FAR2: variants seen among roughly 807,000 people sequenced by gnomAD.
FAR2 encodes the protein fatty acyl-CoA reductase 2, also known as epididymis secretory protein Li 81.
A neutral mutation model predicts 56.0 loss-of-function variants in FAR2; 19 were observed. The observed-to-expected ratio is 0.34, with a 90% CI of 0.24 to 0.50. The LOEUF is 0.50. Ranked by LOEUF, FAR2 falls within the 20% of genes least tolerant of loss-of-function variation. The pLI is 0.98. For synonymous variants in FAR2, 219 were observed against 218.8 expected (o/e 1.00, Z -0.01); for missense variants, 508 against 642.2 (o/e 0.79, Z 2.26).
In FAR2 at chr12:29,259,049, C is replaced by T. The variant is rs1323008393; in HGVS notation, c.-38-11363C>T. ...AGATTGGTAGGAGGTCATGTTTGTACTTAGCTTCATAGGCAGAAATTTAAG... is the reference window on the plus strand; with the variant it reads ...AGATTGGTAGGAGGTCATGTTTGTATTTAGCTTCATAGGCAGAAATTTAAG... On this transcript the variant is annotated intron_variant, in intron 1 of 11. Coordinates refer to ENST00000536681, the MANE Select transcript of FAR2 (RefSeq NM_001271783.2). Among the ~76,000 whole-genome samples, 5 of 152,174 alleles carry T rather than the reference C, an allele frequency of 3.3e-5. 1 individual carries two copies. The highest frequency in any genetic ancestry group is 2.1e-4 in the South Asian group (1 of 4,832).
chr12:29,290,635 G>T (rs957053624), intron 2 of FAR2, among the ~76,000 whole-genome samples: 1 of 152,152 alleles, frequency 6.6e-6, no homozygotes, highest in Non-Finnish European at 1.5e-5. Flanking sequence ...TAAAGAAAAT[G>T]TGGTACATAT....
chr12:29,297,273 T>C, intron 4 of FAR2, 73 bp downstream of exon 4: 4 of 1,386,794 alleles, frequency 2.9e-6, no homozygotes, highest in Non-Finnish European at 3.9e-6. Context: ...TCTTTGTAGC[T>C]ATTAATGAGA....
At chr12:29,220,625 A>T (rs1380997598) in intron 1 of FAR2, among the ~76,000 whole-genome samples, 1 of 152,084 alleles carries the variant, frequency 6.6e-6, no homozygotes, top group Non-Finnish European at 1.5e-5. Context: ...TCCATTCATC[A>T]ACATTTTCTC....
In FAR2 at chr12:29,321,738, G is replaced by T; in HGVS notation, c.1128-57G>T. ...TAAAAATAATTTCTCATACATCCCT[G>T]TAGAGTGACAGGGAAGTGGTGCGCT... On this transcript the variant is annotated intron_variant, in intron 9 of 11. Transcript: ENST00000536681. 1.3e-6 allele frequency: 2 copies of T among 1,592,766 alleles called. 1 individual carries two copies. The highest frequency in any genetic ancestry group is 2.3e-5 in the South Asian group (2 of 87,926).
intron 10 of FAR2, among the ~76,000 whole-genome samples, chr12:29,326,020 A>G (rs1591973370): frequency 6.6e-6 from 1 of 152,270 alleles, no homozygotes; most frequent in Middle Eastern, 3.4e-3. Context: ...CTAATAAAGA[A>G]GAAAAGAGAG....
intron 8 of FAR2, 91 bp downstream of exon 8, chr12:29,312,041 TG>T: frequency 2.2e-6 from 2 of 890,932 alleles, no homozygotes; most frequent in Non-Finnish European, 3.5e-6. Flanking sequence ...AGAGCTTATA[TG>T]GGGAGAAAGA....
chr12:29,258,719 A>G (rs1948369404), intron 1 of FAR2, among the ~76,000 whole-genome samples: 1 of 152,242 alleles, frequency 6.6e-6, no homozygotes, highest in South Asian at 2.1e-4. Flanking sequence ...ATCCATATAC[A>G]GCAACTAATG....
intron 1 of FAR2, among the ~76,000 whole-genome samples, chr12:29,225,225 G>C (rs904286726): frequency 1.3e-5 from 2 of 152,126 alleles, no homozygotes; most frequent in African/African-American, 4.8e-5. Context: ...GGCAGAGTGA[G>C]ACCCTGTCTC....
intron 1 of FAR2, among the ~76,000 whole-genome samples, chr12:29,257,444 G>C (rs1052532165): frequency 2.0e-5 from 3 of 152,204 alleles, no homozygotes; most frequent in East Asian, 1.9e-4. Flanking sequence ...CCAGATAAGA[G>C]AATAAAAGCA....
At chr12:29,312,161 T>C (rs773492842) in intron 8 of FAR2, among the ~76,000 whole-genome samples, 11 of 152,134 alleles carry the variant, frequency 7.2e-5, no homozygotes, top group South Asian at 2.1e-4. Context: ...ATGTACAAGA[T>C]TGTAAGCAGT....
rs1053164312 is a variant in FAR2, at chr12:29,335,426, T to C, written c.*1632T>C. 4.6e-5 allele frequency: 7 copies of C among 152,190 alleles called. No individual in the cohort carries two copies. Among genetic ancestry groups the C allele is most frequent in the African/African-American group, 1.7e-4 (7 of 41,422 alleles). 9.4% of individuals were successfully genotyped at this position (152,190 alleles called of 1,614,324 possible). ...ATGTCTATATGGTACTTTTGAGTTA[T>C]ATCAATTAAGATACAAGCTATAGAC... On this transcript the variant is annotated 3_prime_UTR_variant, in exon 12 of 12. Transcript: ENST00000536681.
At chr12:29,325,598 A>C (rs1434537814) in intron 10 of FAR2, among the ~76,000 whole-genome samples, 1 of 152,160 alleles carries the variant, frequency 6.6e-6, no homozygotes, top group African/African-American at 2.4e-5. Flanking sequence ...TAGGAAACTC[A>C]CTCAAAACCA....
intron 2 of FAR2, chr12:29,277,732 T>C (rs1328082007): frequency 6.6e-6 from 1 of 152,172 alleles, no homozygotes; most frequent in Non-Finnish European, 1.5e-5. Flanking sequence ...GGCATTTCTT[T>C]CAGGTAGATG....
rs1565489317 is a variant in FAR2, at chr12:29,253,233, A to ATAGATATCTATCTAGT, written c.-38-17168_-38-17167insCTAGTTAGATATCTAT. 3.2e-3 allele frequency among the ~76,000 whole-genome samples: 267 copies of ATAGATATCTATCTAGT among 82,304 alleles called. 8 individuals carry two copies. The highest frequency in any genetic ancestry group is 0.01 in the African/African-American group (245 of 23,360). The allele number at this position is 82,304 out of a possible 152,430, so 54.0% of individuals were successfully genotyped here. On this transcript the variant is annotated intron_variant, in intron 1 of 11. Transcript: ENST00000536681. ...TATCTATATATCGATATCTATCTAG[A>ATAGATATCTATCTAGT]TAGATATCTATATATCGATATCTAT...
chr12:29,168,742 G>A (rs998757033), intron 1 of FAR2, among the ~76,000 whole-genome samples: 3 of 152,212 alleles, frequency 2.0e-5, no homozygotes, highest in African/African-American at 7.2e-5. Flanking sequence ...AGCTCTTAAA[G>A]GTGGTGTGGA....
At chr12:29,156,542 TTAAATC>T (rs1390065768) in intron 1 of FAR2, 1 of 152,178 alleles carries the variant, frequency 6.6e-6, no homozygotes, top group Non-Finnish European at 1.5e-5. Flanking sequence ...AAGGGGGAAA[TTAAATC>T]TAATATAACT....
At chr12:29,316,135 C>G (rs985756276) in intron 8 of FAR2, among the ~76,000 whole-genome samples, 1 of 150,946 alleles carries the variant, frequency 6.6e-6, no homozygotes, top group African/African-American at 2.4e-5. Flanking sequence ...GAATAATGAG[C>G]TTAGGCATAT....
intron 1 of FAR2, among the ~76,000 whole-genome samples, chr12:29,153,726 G>A (rs889457992): frequency 2.0e-5 from 3 of 152,306 alleles, no homozygotes; most frequent in Non-Finnish European, 2.9e-5. Context: ...TGTCAGGGAG[G>A]AGGGAGAGAA....
chr12:29,184,171 A>G (rs574431074), intron 1 of FAR2, among the ~76,000 whole-genome samples: 26 of 152,224 alleles, frequency 1.7e-4, no homozygotes, highest in Non-Finnish European at 3.7e-4. Context: ...TTTCTCCTCT[A>G]TAAAGGACCT....
Sources: allele counts gnomAD v4.1 joint callset (sites outside exome capture counted in the v4.1 genomes callset), GRCh38; gene constraint gnomAD v4.1.1; transcripts MANE v1.5; gene names NCBI Gene and HGNC (gene_info 2026-07-23, HGNC 2026-07-21).